MYO1D: variants seen among roughly 807,000 people sequenced by gnomAD.
MYO1D encodes the protein myosin ID, also known as unconventional myosin-Id.
A neutral mutation model predicts 122.0 loss-of-function variants in MYO1D; 83 were observed. The observed-to-expected ratio is 0.68, with a 90% CI of 0.57 to 0.82. MYO1D has a LOEUF of 0.82. Among genes scored for constraint, MYO1D ranks in the 40% least tolerant of loss-of-function variants. The probability of loss-of-function intolerance (pLI) is 0.00; values close to 1 mark genes in which losing one functional copy is unlikely to be tolerated. For synonymous variants in MYO1D, 464 were observed against 446.9 expected (o/e 1.04, Z -0.48); for missense variants, 1,157 against 1,269.5 (o/e 0.91, Z 1.35).
intron 1 of MYO1D, 62 bp from the exon 2 acceptor site, chr17:32,780,846 C>A (rs1461913766): frequency 1.4e-6 from 2 of 1,474,766 alleles, no homozygotes; most frequent in African/African-American, 2.8e-5. Context: ...ATGTATCTGT[C>A]CTGTGAGTCT....
chr17:32,746,090 A>G (rs967965880), intron 12 of MYO1D, among the ~76,000 whole-genome samples: 2 of 152,236 alleles, frequency 1.3e-5, no homozygotes, highest in African/African-American at 4.8e-5. Flanking sequence ...TCAGATCAGT[A>G]TAAGCAATTC....
chr17:32,804,977 G>T (rs1163893124), intron 1 of MYO1D, among the ~76,000 whole-genome samples: 2 of 152,136 alleles, frequency 1.3e-5, no homozygotes, highest in East Asian at 1.9e-4. Context: ...ATATTTAAGG[G>T]TATTATACAA....
chr17:32,552,170 G>T (rs186935227), intron 21 of MYO1D, among the ~76,000 whole-genome samples: 1 of 152,178 alleles, frequency 6.6e-6, no homozygotes, highest in Non-Finnish European at 1.5e-5. Context: ...CAGCCTCCTG[G>T]ACTCAAGCAA....
At position 32,738,331 on chromosome 17, in the gene MYO1D, C is replaced by T. The variant is rs368031315; in HGVS notation, c.1668G>A (p.Glu556=). 6.2e-6 allele frequency: 10 copies of T among 1,607,462 alleles called. No individual in the cohort carries two copies. The highest frequency in any genetic ancestry group is 8.5e-6 in the Non-Finnish European group (10 of 1,177,164). ...MWPEGKLSIT[E]VTKRPLTAAT... Reference sequence around the variant, plus strand: ...CAGCAGTCAGAGGTCGCTTGGTCACCTCTGTAATGCTCAGTTTGCCTTCAG... The same window carrying T: ...CAGCAGTCAGAGGTCGCTTGGTCACTTCTGTAATGCTCAGTTTGCCTTCAG... The change falls in exon 14 of 22, where the codon GAG becomes GAA. Residue 556 remains glutamate, a synonymous_variant. Transcript: ENST00000318217.
intron 1 of MYO1D, among the ~76,000 whole-genome samples, chr17:32,864,007 C>CTTTTCTTTTTTTTTTTTTTTTTT (rs2091100932): frequency 8.2e-5 from 4 of 48,960 alleles, no homozygotes; most frequent in African/African-American, 4.2e-4. Context: ...ACATTTCTTC[C>CTTTTCTTTTTTTTTTTTTTTTTT]TTTTTTTTTT....
At chr17:32,828,058 G>A (rs2090738055) in intron 1 of MYO1D, among the ~76,000 whole-genome samples, 1 of 152,184 alleles carries the variant, frequency 6.6e-6, no homozygotes, top group Admixed American at 6.5e-5. Flanking sequence ...GGGAGAGGCT[G>A]AAAGCACAAT....
rs142488661 is a variant in MYO1D, at chr17:32,772,839, G to T, written c.568C>A (p.Arg190=). 6.2e-7 allele frequency: 1 copy of T among 1,613,042 alleles called. No individual in the cohort carries two copies. The highest frequency in any genetic ancestry group is 8.5e-7 in the Non-Finnish European group (1 of 1,179,110). ...HINNYLLEKS[R]VIVQQPGERS... ...TCTCCTGGCTGTTGCACAATCACTC[G>T]AGACTAAGAAAAAACACATTAAAAT... The change falls in exon 5 of 22, where the codon CGA becomes AGA. Residue 190 remains arginine (R), a synonymous_variant. Coordinates refer to ENST00000318217, the MANE Select transcript of MYO1D (RefSeq NM_015194.3).
chr17:32,755,644 GA>G lies in MYO1D; in HGVS notation c.1314del (p.Gln439ArgfsTer23). The G allele has an allele frequency of 1.2e-6, 2 of 1,613,120 alleles. No homozygotes were observed. The highest frequency in any genetic ancestry group is 2.7e-5 in the African/African-American group (2 of 75,014). On this transcript the variant is annotated frameshift_variant, in exon 11 of 22. Transcript: ENST00000318217. LOFTEE classifies it high-confidence loss of function. ...TGCTCCACGAGGTCAACAATGATCTGATTGTTGAAGTAGTCAATCTGTAGGA... is the reference window on the plus strand; with the variant it reads ...TGCTCCACGAGGTCAACAATGATCTGTTGTTGAAGTAGTCAATCTGTAGGA... Reference protein sequence around the residue: ...IPWKHIDYFNNQIIVDLVEQQ... With the variant: ...IPWKHIDYFNXQIIVDLVEQQ...
At chr17:32,802,489 TTCTGACTAA>T (rs1230928433) in intron 1 of MYO1D, among the ~76,000 whole-genome samples, 6 of 152,336 alleles carry the variant, frequency 3.9e-5, no homozygotes, top group East Asian at 1.9e-4. Context: ...CTTTCTCAAA[TTCTGACTAA>T]TCTGACTAAT....
chr17:32,727,793 C>G (rs2089593943), intron 14 of MYO1D, among the ~76,000 whole-genome samples: 1 of 152,024 alleles, frequency 6.6e-6, no homozygotes, highest in African/African-American at 2.4e-5. Context: ...TAACTATATG[C>G]TACTTATGAG....
At chr17:32,592,000 A>G (rs888194517) in intron 21 of MYO1D, among the ~76,000 whole-genome samples, 5 of 152,238 alleles carry the variant, frequency 3.3e-5, no homozygotes, top group Non-Finnish European at 7.3e-5. Flanking sequence ...TGGAAATACC[A>G]TCAAGTATTT....
chr17:32,565,131 G>A (rs1468808299), intron 21 of MYO1D, among the ~76,000 whole-genome samples: 2 of 152,194 alleles, frequency 1.3e-5, no homozygotes, highest in Non-Finnish European at 2.9e-5. Flanking sequence ...AGCTTCTGGA[G>A]TAGCTGGGAC....
At chr17:32,537,678 T>C (rs1476515477) in intron 21 of MYO1D, among the ~76,000 whole-genome samples, 1 of 152,160 alleles carries the variant, frequency 6.6e-6, no homozygotes, top group South Asian at 2.1e-4. Flanking sequence ...TCCATTAGCA[T>C]AGCGGTCCAT....
chr17:32,832,358 T>C (rs1419888234), intron 1 of MYO1D, among the ~76,000 whole-genome samples: 5 of 151,670 alleles, frequency 3.3e-5, no homozygotes, highest in Non-Finnish European at 5.9e-5. Flanking sequence ...TGAAGTGCAG[T>C]GGCACAATCT....
chr17:32,738,861 C>T (rs928580728), intron 13 of MYO1D, among the ~76,000 whole-genome samples: 1 of 151,854 alleles, frequency 6.6e-6, no homozygotes, highest in African/African-American at 2.4e-5. Context: ...AAAGCCTGCT[C>T]TTTAAAAAAA....
At chr17:32,840,856 T>C (rs927149096) in intron 1 of MYO1D, among the ~76,000 whole-genome samples, 1 of 152,208 alleles carries the variant, frequency 6.6e-6, no homozygotes, top group African/African-American at 2.4e-5. Context: ...GATCCCTAAC[T>C]TATGATGGTT....
intron 21 of MYO1D, among the ~76,000 whole-genome samples, chr17:32,581,966 T>G (rs1161930721): frequency 6.6e-6 from 1 of 152,202 alleles, no homozygotes; most frequent in East Asian, 1.9e-4. Flanking sequence ...GGTTTCACCA[T>G]GTTGGCCAGG....
At chr17:32,643,168 C>T (rs1189341724) in intron 19 of MYO1D, among the ~76,000 whole-genome samples, 1 of 152,092 alleles carries the variant, frequency 6.6e-6, no homozygotes, top group Non-Finnish European at 1.5e-5. Context: ...TTTTCTGCAT[C>T]TATTGAGATA....
At chr17:32,846,458 A>T (rs1238984520) in intron 1 of MYO1D, among the ~76,000 whole-genome samples, 1 of 152,210 alleles carries the variant, frequency 6.6e-6, no homozygotes, top group African/African-American at 2.4e-5. Flanking sequence ...TGTACAGGTG[A>T]GTATCTAGGT....
Sources: gnomAD v4.1 joint callset for allele counts (sites outside exome capture counted in the v4.1 genomes callset) on GRCh38, gnomAD v4.1.1 for gene constraint, MANE v1.5 for transcripts, NCBI Gene and HGNC (gene_info 2026-07-23, HGNC 2026-07-21) for gene names.